Variants in AUTS2 observed in about 807,000 individuals in gnomAD.
AUTS2 encodes autism susceptibility gene 2 protein.
A neutral mutation model predicts 112.4 loss-of-function variants in AUTS2; 17 were observed. The ratio of observed to expected loss-of-function variants is 0.15; its 90% CI spans 0.10 to 0.23. The LOEUF (loss-of-function observed/expected upper bound fraction) is 0.23, where lower values mean the gene tolerates loss of function less well. Among genes scored for constraint, AUTS2 ranks in the 10% least tolerant of loss-of-function variants. AUTS2 has a pLI of 1.00. For synonymous variants in AUTS2, 751 were observed against 702.7 expected, an observed-to-expected ratio of 1.07 and a Z score of -1.09; for missense variants, 1,510 against 1,701.6, an observed-to-expected ratio of 0.89 and a Z score of 1.98.
At chr7:70,419,570 T>C (rs1795128883) in intron 4 of AUTS2, among the ~76,000 whole-genome samples, 1 of 152,208 alleles carries the variant, frequency 6.6e-6, no homozygotes, top group Non-Finnish European at 1.5e-5. Flanking sequence ...ATTTCCTAAT[T>C]CCATAATGAA....
At chr7:70,394,055 G>T (rs576765242) in intron 4 of AUTS2, among the ~76,000 whole-genome samples, 2 of 152,264 alleles carry the variant, frequency 1.3e-5, no homozygotes, top group South Asian at 4.1e-4. Context: ...CTCCCTGAAG[G>T]TTTTACCAGT....
In AUTS2 at chr7:70,694,240, C is replaced by G. The variant is rs1433159027; in HGVS notation, c.691-4329C>G. 1.3e-5 allele frequency: 2 copies of G among 149,868 alleles called. No individual in the cohort carries two copies. Among genetic ancestry groups the G allele is most frequent in the South Asian group, 2.1e-4 (1 of 4,808 alleles). The allele number at this position is 149,868 out of a possible 1,614,324, so 9.3% of individuals were successfully genotyped here. On this transcript the variant is annotated intron_variant, in intron 5 of 18. Coordinates refer to ENST00000342771, the MANE Select transcript of AUTS2 (RefSeq NM_015570.4). This position sits in a 1 kb window ranked among gnomAD's most constrained non-coding sequence, Gnocchi z 4.1. ...AGGCGCCCGCAAGCCGAGCGCGGGC[C>G]GGAGCCCAGCCAGCCCCGGGCGCTC...
At chr7:70,769,512 C>G (rs1260319124) in intron 10 of AUTS2, among the ~76,000 whole-genome samples, 1 of 152,112 alleles carries the variant, frequency 6.6e-6, no homozygotes, top group Non-Finnish European at 1.5e-5. Context: ...GGTGAAACCC[C>G]GTCTCTACTA....
At chr7:70,573,674 C>T (rs954227128) in intron 5 of AUTS2, among the ~76,000 whole-genome samples, 3 of 152,062 alleles carry the variant, frequency 2.0e-5, no homozygotes, top group African/African-American at 4.8e-5. Context: ...TTAGAGCATT[C>T]GCTTTGCTGC....
At chr7:70,468,136 T>G (rs1003813689) in intron 5 of AUTS2, among the ~76,000 whole-genome samples, 4 of 152,190 alleles carry the variant, frequency 2.6e-5, no homozygotes, top group Non-Finnish European at 4.4e-5. Context: ...GGGGCTTATA[T>G]GCAACAACAA....
chr7:70,500,953 C>T lies in AUTS2; in HGVS notation c.690+65172C>T, dbSNP rs187159752. Among the ~76,000 whole-genome samples the T allele has an allele frequency of 4.2e-3, 644 of 152,166 alleles. 3 individuals are homozygous for T. Among genetic ancestry groups the T allele is most frequent in the African/African-American group, 0.014 (562 of 41,508 alleles). On this transcript the variant is annotated intron_variant, in intron 5 of 18. Transcript: ENST00000342771. The stretch of plus-strand genomic sequence containing the variant: ...GGCCAGGCTGGTCTCGAACTCCTGA[C>T]CTCAGGTGATCCGCCCGCCTCAGTC...
At chr7:70,249,183 T>C (rs1348344592) in intron 4 of AUTS2, among the ~76,000 whole-genome samples, 1 of 152,242 alleles carries the variant, frequency 6.6e-6, no homozygotes, top group Non-Finnish European at 1.5e-5. Flanking sequence ...TGCTTTTAAG[T>C]CTTTCTTTTG....
At chr7:69,954,566 C>T (rs1436401388) in intron 2 of AUTS2, among the ~76,000 whole-genome samples, 2 of 152,212 alleles carry the variant, frequency 1.3e-5, no homozygotes, top group Non-Finnish European at 2.9e-5. Flanking sequence ...GCCTTGGCCC[C>T]CCAGTTGCTG....
intron 3 of AUTS2, among the ~76,000 whole-genome samples, chr7:70,129,505 C>T (rs1454312866): frequency 6.6e-6 from 1 of 152,204 alleles, no homozygotes; most frequent in Non-Finnish European, 1.5e-5. Context: ...GAAGTTGCAA[C>T]ATAAAATTGA....
intron 2 of AUTS2, among the ~76,000 whole-genome samples, chr7:69,910,878 G>A (rs943461022): frequency 5.3e-5 from 8 of 152,082 alleles, no homozygotes; most frequent in Admixed American, 1.3e-4. Context: ...CGCCCGCCTC[G>A]GCCTCTCAAA....
chr7:70,182,621 G>T (rs1028160792), intron 4 of AUTS2, among the ~76,000 whole-genome samples: 5 of 152,136 alleles, frequency 3.3e-5, no homozygotes, highest in South Asian at 4.1e-4. Context: ...AGTAGAAATA[G>T]AGTGAATGTT....
chr7:70,425,960 A>T (rs1795419862), intron 4 of AUTS2, among the ~76,000 whole-genome samples: 1 of 152,192 alleles, frequency 6.6e-6, no homozygotes, highest in African/African-American at 2.4e-5. Context: ...TATGTTTATT[A>T]ACTCAATTAA....
intron 4 of AUTS2, among the ~76,000 whole-genome samples, chr7:70,362,235 C>T (rs1046525419): frequency 6.6e-6 from 1 of 152,046 alleles, no homozygotes; most frequent in African/African-American, 2.4e-5. Context: ...AAAGAAGAAC[C>T]AGACCGGCAT....
Position 70,764,890 on chromosome 7 carries a change from C to T in AUTS2, c.1353C>T (p.Pro451=), listed in dbSNP as rs756126420. ...LHSFTPTLQP[P]AHSHHPNMFA... ...GCTTCACACCCACCCTCCAGCCCCC[C>T]GCACACTCACATCACCCCAATATGT... Residue 451 remains proline (P), a synonymous_variant, in exon 8 of 19, where the codon CCC becomes CCT. Coordinates refer to ENST00000342771, the MANE Select transcript of AUTS2 (RefSeq NM_015570.4). 22 of 1,608,450 alleles carry T rather than the reference C, an allele frequency of 1.4e-5. No homozygotes were observed. The highest frequency in any genetic ancestry group is 3.4e-5 in the Admixed American group (2 of 59,596).
chr7:69,633,671 G>A (rs1215723006), intron 1 of AUTS2, among the ~76,000 whole-genome samples: 3 of 152,214 alleles, frequency 2.0e-5, no homozygotes, highest in Non-Finnish European at 1.5e-5. Flanking sequence ...TCATGAAATG[G>A]CATTGATTTG....
At chr7:70,020,665 CTTCT>C (rs775167337) in intron 2 of AUTS2, among the ~76,000 whole-genome samples, 16 of 151,744 alleles carry the variant, frequency 1.1e-4, no homozygotes, top group African/African-American at 3.4e-4. Flanking sequence ...GACCTTTTTT[CTTCT>C]TTCTTTCTTT....
chr7:69,915,312 G>A (rs1428679150), intron 2 of AUTS2, among the ~76,000 whole-genome samples: 7 of 152,066 alleles, frequency 4.6e-5, no homozygotes, highest in Non-Finnish European at 7.3e-5. Context: ...CGAAAGCATC[G>A]GCAAATGTTG....
chr7:69,848,808 CA>C (rs1376908583), intron 1 of AUTS2, among the ~76,000 whole-genome samples: 4 of 152,118 alleles, frequency 2.6e-5, no homozygotes, highest in Admixed American at 1.3e-4. Context: ...ATTGTCTGCA[CA>C]ATTGAGTTAG....
chr7:70,113,384 G>A (rs965076665), intron 2 of AUTS2, among the ~76,000 whole-genome samples: 1 of 152,022 alleles, frequency 6.6e-6, no homozygotes, highest in Admixed American at 6.6e-5. Context: ...TCCAATCCAT[G>A]ATACTTTCCC....
Sources: allele counts gnomAD v4.1 joint callset (sites outside exome capture counted in the v4.1 genomes callset), GRCh38; gene constraint gnomAD v4.1.1; non-coding constraint Gnocchi (gnomAD v3.1); transcripts MANE v1.5; gene names NCBI Gene and HGNC (gene_info 2026-07-23, HGNC 2026-07-21).